KTN1: variants seen among roughly 807,000 people sequenced by gnomAD.
The protein encoded by KTN1 is kinectin 1.
Under a neutral mutation model 222.5 loss-of-function variants are expected in KTN1, and 130 were observed. The ratio of observed to expected loss-of-function variants is 0.58; its 90% CI spans 0.51 to 0.68. KTN1 has a LOEUF of 0.68. Ranked by LOEUF, KTN1 falls within the 30% of genes least tolerant of loss-of-function variation. The pLI is 0.00. For synonymous variants in KTN1, 512 were observed against 496.3 expected (o/e 1.03, Z -0.42); for missense variants, 1,508 against 1,500.4 (o/e 1.01, Z -0.08).
At chr14:55,630,425 CAAGT>C (rs2040381166) in intron 7 of KTN1, among the ~76,000 whole-genome samples, 1 of 152,130 alleles carries the variant, frequency 6.6e-6, no homozygotes, top group African/African-American at 2.4e-5. Flanking sequence ...TAGGCATTAT[CAAGT>C]AAGAGAGTAA....
chr14:55,582,442 A>G (rs1487946332), intron 1 of KTN1, among the ~76,000 whole-genome samples: 1 of 152,156 alleles, frequency 6.6e-6, no homozygotes, highest in Non-Finnish European at 1.5e-5. Context: ...CTTCTAAAGA[A>G]CCCATATTAA....
At chr14:55,620,073 A>T (rs1003094842) in intron 5 of KTN1, among the ~76,000 whole-genome samples, 2 of 152,200 alleles carry the variant, frequency 1.3e-5, no homozygotes, top group African/African-American at 2.4e-5. Context: ...ATTGGCCAAA[A>T]TAAAAGGGCT....
At chr14:55,625,723 C>G (rs1002480531) in intron 5 of KTN1, among the ~76,000 whole-genome samples, 2 of 152,068 alleles carry the variant, frequency 1.3e-5, no homozygotes, top group African/African-American at 4.8e-5. Context: ...TATTTGTACT[C>G]AAATAATAGT....
rs201545399 is a variant in KTN1, at chr14:55,663,994, G to A, written c.3130G>A (p.Ala1044Thr). ...AAACTGGGAAGCAATGGAAGCATTGGCATCAACTGAAAAAATGCTGCAGGA... is the reference window on the plus strand; with the variant it reads ...AAACTGGGAAGCAATGGAAGCATTGACATCAACTGAAAAAATGCTGCAGGA... ...EKNWEAMEAL[A>T]STEKMLQDKV... Residue 1044 changes from alanine (A) to threonine (T), a missense_variant, in exon 33 of 44, where the codon GCA becomes ACA. By Grantham distance (58) the Ala-to-Thr change is moderately conservative. Coordinates refer to ENST00000395314, the MANE Select transcript of KTN1 (RefSeq NM_001079521.2). The A allele has an allele frequency of 1.7e-4, 274 of 1,612,614 alleles. 1 individual carries two copies. The South Asian group carries it at 2.9e-3, about 17-fold the overall frequency.
chr14:55,650,009 A>C (rs1018842542), intron 22 of KTN1, among the ~76,000 whole-genome samples, 196 bp downstream of exon 22: 1 of 149,936 alleles, frequency 6.7e-6, no homozygotes, highest in African/African-American at 2.4e-5. Flanking sequence ...AAAAAAAAAC[A>C]AAAAAAAACT....
chr14:55,671,831 A>T lies in KTN1; in HGVS notation c.3485A>T (p.Asn1162Ile). 1 of 1,611,040 alleles carries T rather than the reference A, an allele frequency of 6.2e-7. No homozygotes were observed. Among genetic ancestry groups the T allele is most frequent in the South Asian group, 1.1e-5 (1 of 91,002 alleles). Residue 1162 changes from asparagine (N) to isoleucine (I), a missense_variant, in exon 37 of 44, where the codon AAT becomes ATT. Coordinates refer to ENST00000395314, the MANE Select transcript of KTN1 (RefSeq NM_001079521.2). ...CAGAGAAGTGTTGAGCAAGAAGAAA[A>T]TAAATGGAAAGTTAAGGTCGATGAA... is the stretch of plus-strand genomic sequence containing the variant. ...KLQRSVEQEENKWKVKVDESH... is the reference protein window; with the variant it reads ...KLQRSVEQEEIKWKVKVDESH...
At chr14:55,668,978 G>A (rs2045178661) in intron 34 of KTN1, among the ~76,000 whole-genome samples, 1 of 152,048 alleles carries the variant, frequency 6.6e-6, no homozygotes, top group African/African-American at 2.4e-5. Context: ...GAAATACCTA[G>A]CACTGAGTAA....
At chr14:55,631,341 G>GAGATATATATAT (rs71448461) in intron 7 of KTN1, among the ~76,000 whole-genome samples, 16 of 114,714 alleles carry the variant, frequency 1.4e-4, no homozygotes, top group Non-Finnish European at 1.7e-4. Flanking sequence ...TGATAAGGTT[G>GAGATATATATAT]ATATATATAT....
intron 31 of KTN1, among the ~76,000 whole-genome samples, chr14:55,660,773 G>A (rs1422648384): frequency 2.0e-5 from 3 of 152,068 alleles, no homozygotes; most frequent in Non-Finnish European, 4.4e-5. Context: ...ATATATATGT[G>A]TATATGTGTG....
At chr14:55,657,439 A>C (rs187689595) in intron 29 of KTN1, among the ~76,000 whole-genome samples, 135 of 144,490 alleles carry the variant, frequency 9.3e-4, no homozygotes, top group Non-Finnish European at 1.5e-3. Flanking sequence ...TTTTTATGTA[A>C]TAAGGGAAAT....
intron 18 of KTN1, among the ~76,000 whole-genome samples, chr14:55,643,876 T>C (rs17747083): frequency 0.077 from 11,747 of 152,266 alleles, 502 homozygotes; most frequent in South Asian, 0.12. Flanking sequence ...TTTAGATGTT[T>C]TGTTAAAGTG....
chr14:55,636,566 T>G, intron 10 of KTN1, 30 bp downstream of exon 10: 1 of 1,536,560 alleles, frequency 6.5e-7, no homozygotes, highest in Non-Finnish European at 8.9e-7. Context: ...ATGTAAACTT[T>G]GTATATAATT....
At chr14:55,670,346 AAC>A (rs1312417038) in intron 34 of KTN1, among the ~76,000 whole-genome samples, 2 of 152,064 alleles carry the variant, frequency 1.3e-5, no homozygotes, top group Admixed American at 6.6e-5. Context: ...TTTACCTGGA[AAC>A]AGTTTTGAAA....
chr14:55,645,603 G>A lies in KTN1; in HGVS notation c.2173-1370G>A, dbSNP rs1184457355. On this transcript the variant is annotated intron_variant, in intron 18 of 43. Transcript: ENST00000395314. The stretch of plus-strand genomic sequence containing the variant: ...AAGCCATCTTCATGAATGATTTAAA[G>A]GCTTAATGCATGATTTGTTTTTCAT... Among the ~76,000 whole-genome samples, 4 of 152,228 alleles carry A rather than the reference G, an allele frequency of 2.6e-5. No individual in the cohort carries two copies. In the East Asian group the frequency reaches 7.7e-4, roughly 29 times the overall value.
chr14:55,593,446 C>CCCAA (rs1555357160), intron 1 of KTN1, among the ~76,000 whole-genome samples: 11 of 120,582 alleles, frequency 9.1e-5, no homozygotes, highest in South Asian at 5.8e-4. Flanking sequence ...ACCCCCCCCC[C>CCCAA]AAAAAAAAAA....
chr14:55,680,760 G>A, intron 43 of KTN1: 1 of 1,296,960 alleles, frequency 7.7e-7, no homozygotes, highest in African/African-American at 1.5e-5. Context: ...TCTCTAACAT[G>A]ACTTTCCATA....
chr14:55,620,536 C>T (rs529076241), intron 5 of KTN1, among the ~76,000 whole-genome samples: 2 of 152,340 alleles, frequency 1.3e-5, no homozygotes, highest in African/African-American at 4.8e-5. Flanking sequence ...GCAGAGGTTT[C>T]CCAAAACTCA....
chr14:55,639,819 C>T, intron 13 of KTN1, 94 bp from the exon 14 acceptor site: 1 of 777,684 alleles, frequency 1.3e-6, no homozygotes, highest in Non-Finnish European at 2.2e-6. Context: ...ATGAGAACTA[C>T]TGAAGTAAGG....
At chr14:55,636,681 T>G in intron 10 of KTN1, 145 bp downstream of exon 10, 1 of 601,648 alleles carries the variant, frequency 1.7e-6, no homozygotes, top group African/African-American at 1.9e-5. Context: ...TATCTTTCTT[T>G]CTTTGACATT....
Sources: allele counts gnomAD v4.1 joint callset (sites outside exome capture counted in the v4.1 genomes callset), GRCh38; gene constraint gnomAD v4.1.1; transcripts MANE v1.5; gene names NCBI Gene and HGNC (gene_info 2026-07-23, HGNC 2026-07-21).